The following GREB1 variants were observed in gnomAD, a reference collection of about 807,000 sequenced individuals.
GREB1 encodes the protein growth regulating estrogen receptor binding 1, also known as protein GREB1.
A neutral mutation model predicts 200.7 loss-of-function variants in GREB1; 106 were observed. The ratio of observed to expected loss-of-function variants is 0.53; its 90% CI spans 0.45 to 0.62. The LOEUF is 0.62. Among genes scored for constraint, GREB1 ranks in the 20% least tolerant of loss-of-function variants. The pLI, the probability that GREB1 is intolerant of heterozygous loss-of-function variation, is 0.00. For synonymous variants in GREB1, 1,132 were observed against 1,092.4 expected (o/e 1.04, Z -0.72); for missense variants, 2,243 against 2,556.8 (o/e 0.88, Z 2.65).
At chr2:11,567,901 A>G (rs1677843772) in intron 4 of GREB1, among the ~76,000 whole-genome samples, 1 of 152,064 alleles carries the variant, frequency 6.6e-6, no homozygotes, top group Admixed American at 6.5e-5. Flanking sequence ...CTGCGTCCTC[A>G]TCCATGAAGC....
chr2:11,605,144 C>CTTTTTTTTTTT (rs3035991), intron 17 of GREB1, among the ~76,000 whole-genome samples: 949 of 44,788 alleles, frequency 0.021, 219 homozygotes, highest in Middle Eastern at 0.067. Flanking sequence ...GAGCCTGCTT[C>CTTTTTTTTTTT]TTTTTTTTTT....
At chr2:11,543,217 A>G (rs927590678) in intron 1 of GREB1, among the ~76,000 whole-genome samples, 1 of 152,208 alleles carries the variant, frequency 6.6e-6, no homozygotes. Context: ...GGCACGTTTC[A>G]ATAGGTGTAC....
chr2:11,576,640 C>T (rs1678885172), intron 5 of GREB1, 105 bp downstream of exon 5: 1 of 798,302 alleles, frequency 1.3e-6, no homozygotes, highest in African/African-American at 1.7e-5. Context: ...TAGCAGCACA[C>T]ATCACGGGCA....
chr2:11,541,888 A>G (rs1300434227), intron 1 of GREB1, among the ~76,000 whole-genome samples: 1 of 152,142 alleles, frequency 6.6e-6, no homozygotes, highest in East Asian at 1.9e-4. Context: ...GATGCCTTGT[A>G]TACGTTCTGC....
In GREB1 at chr2:11,615,099, G is replaced by A. The variant is rs774143391; in HGVS notation, c.3131G>A (p.Arg1044Lys). The change falls in exon 20 of 33, where the codon AGG becomes AAG. Residue 1044 changes from arginine (R) to lysine (K), a missense_variant. Arg to Lys is a conservative substitution (Grantham distance 26, BLOSUM62 2). Coordinates refer to ENST00000381486, the MANE Select transcript of GREB1 (RefSeq NM_014668.4). The stretch of plus-strand genomic sequence containing the variant: ...CTTCTGTGTCTTGCTAGGTCTTTGA[G>A]GTACTGTGACCTGCGATTGATAAAC... ...PHGESLPRSL[R>K]YCDLRLINSS... 9.3e-6 allele frequency: 15 copies of A among 1,613,302 alleles called. No homozygotes were observed. The highest frequency in any genetic ancestry group is 1.6e-4 in the Middle Eastern group (1 of 6,084).
Position 11,602,390 on chromosome 2 carries a change from CTCT to C in GREB1, c.2530-11_2530-9del, listed in dbSNP as rs773650570. On this transcript the variant is annotated splice_polypyrimidine_tract_variant and intron_variant, in intron 16 of 32. Transcript: ENST00000381486. The stretch of plus-strand genomic sequence containing the variant: ...GAATGCAGTGTTGGAGTGACCGACG[CTCT>C]TCTTTGTTTTAGGGAGTGGACTTAT... The C allele has an allele frequency of 1.2e-6, 2 of 1,612,668 alleles. No homozygotes were observed. The highest frequency in any genetic ancestry group is 3.3e-5 in the Admixed American group (2 of 60,010).
chr2:11,503,495 A>T (rs1034714172), intron 1 of GREB1, among the ~76,000 whole-genome samples: 1 of 152,030 alleles, frequency 6.6e-6, no homozygotes, highest in African/African-American at 2.4e-5. Context: ...ATCCTTTTGT[A>T]TCTCTTCGTG....
At chr2:11,622,553 C>T (rs1404213190) in intron 23 of GREB1, among the ~76,000 whole-genome samples, 1 of 152,204 alleles carries the variant, frequency 6.6e-6, no homozygotes, top group African/African-American at 2.4e-5. Context: ...CCATAGACTA[C>T]AATGATCACC....
In GREB1 at chr2:11,544,511, C is replaced by T. The variant is rs551589914; in HGVS notation, c.-162+10257C>T. The stretch of plus-strand genomic sequence containing the variant: ...GATTACAGCCGTGAGCCACTGCGCC[C>T]GGCCGAGCCTTTTAAGAGAAATCCA... On this transcript the variant is annotated intron_variant, in intron 1 of 32. Coordinates refer to ENST00000381486, the MANE Select transcript of GREB1 (RefSeq NM_014668.4). Among the ~76,000 whole-genome samples, 275 of 152,236 alleles carry T rather than the reference C, an allele frequency of 1.8e-3. 3 individuals are homozygous for T. The highest frequency in any genetic ancestry group is 2.1e-4 in the South Asian group (1 of 4,818).
intron 1 of GREB1, among the ~76,000 whole-genome samples, chr2:11,534,571 C>G (rs59327915): frequency 0.079 from 12,038 of 152,076 alleles, 1,657 homozygotes; most frequent in African/African-American, 0.27. Flanking sequence ...CACAGCTCTT[C>G]AGTTTACCTG....
intron 24 of GREB1, among the ~76,000 whole-genome samples, chr2:11,626,218 G>C (rs1684439520): frequency 6.6e-6 from 1 of 152,082 alleles, no homozygotes; most frequent in Non-Finnish European, 1.5e-5. Context: ...TAGATCCCTT[G>C]CACTGAGGAT....
At chr2:11,522,887 C>T (rs112003484) in intron 1 of GREB1, among the ~76,000 whole-genome samples, 20 of 152,340 alleles carry the variant, frequency 1.3e-4, no homozygotes, top group African/African-American at 4.6e-4. Flanking sequence ...GTCATCCATC[C>T]TGTGCACCTT....
At chr2:11,534,509 C>A (rs1044264784) in intron 1 of GREB1, among the ~76,000 whole-genome samples, 3 of 152,194 alleles carry the variant, frequency 2.0e-5, no homozygotes, top group African/African-American at 7.2e-5. Flanking sequence ...CTCTTGCTGA[C>A]CCTGTGTGCT....
upstream of GREB1, among the ~76,000 whole-genome samples, chr2:11,529,384 A>G (rs1673989313): frequency 1.3e-5 from 2 of 152,254 alleles, no homozygotes; most frequent in Admixed American, 1.3e-4. Flanking sequence ...GGAAGTGCAA[A>G]TTAAAACCAC....
At chr2:11,544,962 C>T (rs1177297570) in intron 1 of GREB1, among the ~76,000 whole-genome samples, 2 of 152,054 alleles carry the variant, frequency 1.3e-5, no homozygotes, top group African/African-American at 4.8e-5. Flanking sequence ...TTACAGGCGC[C>T]TGCCACCATG....
chr2:11,618,353 T>C lies in GREB1; in HGVS notation c.3478T>C (p.Ser1160Pro), dbSNP rs1683684214. The C allele has an allele frequency of 6.2e-7, 1 of 1,608,004 alleles. No homozygotes were observed. The highest frequency in any genetic ancestry group is 8.5e-7 in the Non-Finnish European group (1 of 1,176,800). The change falls in exon 22 of 33, where the codon TCG (serine) becomes CCG (proline). Residue 1160 changes from serine to proline, a missense_variant. Physicochemically the swap from Ser to Pro is moderately conservative, Grantham distance 74 (BLOSUM62 -1). Around this residue, in one of 3 missense-constraint regions of GREB1, gnomAD observed 587 missense variants for 553.1 expected, o/e 1.06. Coordinates refer to ENST00000381486, the MANE Select transcript of GREB1 (RefSeq NM_014668.4). ...TALPQGEHAR[S>P]PQPRGPAEEG... ...ACTCCCCCAGGGAGAGCATGCCAGG[T>C]CGCCCCAGCCCCGTGGCCCCGCAGA...
intron 10 of GREB1, among the ~76,000 whole-genome samples, chr2:11,592,329 ATTTTTTT>A (rs113949768): frequency 1.5e-5 from 2 of 136,232 alleles, no homozygotes; most frequent in Non-Finnish European, 3.2e-5. Flanking sequence ...GCAAAGTAAG[ATTTTTTT>A]TTTTTTTTTT....
At chr2:11,515,954 G>A (rs73187478) in intron 1 of GREB1, among the ~76,000 whole-genome samples, 37 of 152,304 alleles carry the variant, frequency 2.4e-4, no homozygotes, top group Middle Eastern at 3.4e-3. Flanking sequence ...CGGGCATGCC[G>A]CAGAAACACA....
chr2:11,626,988 G>A lies in GREB1; in HGVS notation c.4333G>A (p.Asp1445Asn). The change falls in exon 25 of 33, where the codon GAC (aspartate) becomes AAC (asparagine). Residue 1445 changes from aspartate (D) to asparagine (N), a missense_variant. Physicochemically the swap from Asp to Asn is conservative, Grantham distance 23 (BLOSUM62 1). Coordinates refer to ENST00000381486, the MANE Select transcript of GREB1 (RefSeq NM_014668.4). The part of the protein sequence containing the change: ...EDRGMSRKPE[D>N]LYVRRQTARM... ...CAGAGGGATGTCCCGGAAGCCGGAG[G>A]ACCTTTATGTGCGGCGTCAGACGGC... is the stretch of plus-strand genomic sequence containing the variant. 1 of 1,614,168 alleles carries A rather than the reference G, an allele frequency of 6.2e-7. No individual in the cohort carries two copies. The highest frequency in any genetic ancestry group is 8.5e-7 in the Non-Finnish European group (1 of 1,180,014).
Sources: allele counts gnomAD v4.1 joint callset (sites outside exome capture counted in the v4.1 genomes callset), GRCh38; gene constraint gnomAD v4.1.1; regional missense constraint gnomAD v4.1.1; transcripts MANE v1.5; gene names NCBI Gene and HGNC (gene_info 2026-07-23, HGNC 2026-07-21).